ANKRD44: variants seen among roughly 807,000 people sequenced by gnomAD.
ANKRD44 encodes the protein serine/threonine-protein phosphatase 6 regulatory ankyrin repeat subunit B.
A neutral mutation model predicts 116.0 loss-of-function variants in ANKRD44; 35 were observed. The ratio of observed to expected loss-of-function variants is 0.30; its 90% CI spans 0.23 to 0.40. ANKRD44 has a LOEUF of 0.40. Ranked by LOEUF, ANKRD44 falls within the 10% of genes least tolerant of loss-of-function variation. The pLI is 1.00. For synonymous variants in ANKRD44, 435 were observed against 461.8 expected (o/e 0.94, Z 0.74); for missense variants, 1,014 against 1,242.6 (o/e 0.82, Z 2.77).
chr2:196,986,703 A>G lies in ANKRD44; in HGVS notation c.*2888T>C, dbSNP rs1319039589. 4 of 975,238 alleles carry G rather than the reference A, an allele frequency of 4.1e-6. No homozygotes were observed. The highest frequency in any genetic ancestry group is 5.2e-4 in the Middle Eastern group (1 of 1,914). 60.4% of individuals were successfully genotyped at this position (975,238 alleles called of 1,614,324 possible). A position where few individuals can be genotyped will look rare whatever the true frequency, so the allele number is the denominator to read the frequency against. On this transcript the variant is annotated 3_prime_UTR_variant, in exon 28 of 28. Transcript: ENST00000282272. ...ACCGTTTTTATTTGTAAAAATAACC[A>G]TCTGAATGCATTTCCATAGTATATT...
chr2:197,237,449 A>G (rs1282168697), intron 1 of ANKRD44, among the ~76,000 whole-genome samples: 1 of 152,218 alleles, frequency 6.6e-6, no homozygotes, highest in Non-Finnish European at 1.5e-5. Flanking sequence ...TTTAAGCTAC[A>G]CTGCTGAACT....
At chr2:197,004,744 A>G (rs2076173023) in intron 21 of ANKRD44, among the ~76,000 whole-genome samples, 1 of 152,096 alleles carries the variant, frequency 6.6e-6, no homozygotes, top group South Asian at 2.1e-4. Flanking sequence ...AAACCCCCTT[A>G]CTCAATAATT....
chr2:197,186,235 G>A (rs557736567), intron 2 of ANKRD44, among the ~76,000 whole-genome samples: 10 of 152,210 alleles, frequency 6.6e-5, no homozygotes, highest in Non-Finnish European at 1.2e-4. Context: ...AAAAAAAATT[G>A]CACCTCTATT....
intron 21 of ANKRD44, among the ~76,000 whole-genome samples, chr2:196,979,554 C>CCTTTTTTT (rs2075785197): frequency 3.4e-5 from 2 of 59,634 alleles, no homozygotes; most frequent in African/African-American, 1.3e-4. Context: ...AATAAGATGA[C>CCTTTTTTT]TTTTTTTTTT....
At chr2:197,052,481 A>G (rs2077127106) in intron 16 of ANKRD44, among the ~76,000 whole-genome samples, 1 of 152,134 alleles carries the variant, frequency 6.6e-6, no homozygotes, top group South Asian at 2.1e-4. Context: ...GGCTCAGAGG[A>G]AAGAGTGTTA....
chr2:197,210,490 C>T (rs753016925), intron 1 of ANKRD44, among the ~76,000 whole-genome samples: 6 of 152,190 alleles, frequency 3.9e-5, no homozygotes, highest in Non-Finnish European at 7.4e-5. Flanking sequence ...TGTTCTGTTC[C>T]CATTACACTG....
intron 1 of ANKRD44, among the ~76,000 whole-genome samples, chr2:197,288,781 G>A (rs2083478528): frequency 6.6e-6 from 1 of 152,106 alleles, no homozygotes; most frequent in Non-Finnish European, 1.5e-5. Context: ...ATAATGTTAA[G>A]TAAAATAAGC....
At chr2:197,132,846 G>A (rs191184675) in intron 4 of ANKRD44, among the ~76,000 whole-genome samples, 19 of 152,012 alleles carry the variant, frequency 1.2e-4, no homozygotes, top group African/African-American at 3.4e-4. Flanking sequence ...GAAATACAAC[G>A]GCAAGCAATA....
chr2:197,251,846 A>G (rs2082325178), intron 1 of ANKRD44, among the ~76,000 whole-genome samples: 1 of 152,242 alleles, frequency 6.6e-6, no homozygotes. Context: ...TGAGGCATAA[A>G]TGTCAATCTT....
intron 21 of ANKRD44, among the ~76,000 whole-genome samples, chr2:196,976,830 T>G (rs1350553086): frequency 6.6e-6 from 1 of 150,400 alleles, no homozygotes; most frequent in Non-Finnish European, 1.5e-5. Flanking sequence ...ATCATGCCAC[T>G]GCACTCCAGC....
Position 196,987,930 on chromosome 2 carries a change from T to C in ANKRD44, c.*1661A>G, listed in dbSNP as rs1398024958. The C allele has an allele frequency of 7.1e-6, 7 of 984,048 alleles. No homozygotes were observed. Among genetic ancestry groups the C allele is most frequent in the Non-Finnish European group, 8.4e-6 (7 of 828,802 alleles). The allele number at this position is 984,048 out of a possible 1,614,324, so 61.0% of individuals were successfully genotyped here. On this transcript the variant is annotated 3_prime_UTR_variant, in exon 28 of 28. Coordinates refer to ENST00000282272, the MANE Select transcript of ANKRD44 (RefSeq NM_001195144.2). ...CAGAAATGATAGTTTTTAAAGTCAT[T>C]TCTTTAAAAAAATTTTGCCTTGGGG... is the stretch of plus-strand genomic sequence containing the variant.
intron 1 of ANKRD44, among the ~76,000 whole-genome samples, chr2:197,234,483 C>T (rs762755077): frequency 9.2e-5 from 14 of 152,322 alleles, no homozygotes; most frequent in African/African-American, 1.4e-4. Flanking sequence ...TGAGCCACCA[C>T]GCCCAGCCCA....
At chr2:197,301,430 C>T (rs754925151) in intron 1 of ANKRD44, 4 of 152,196 alleles carry the variant, frequency 2.6e-5, no homozygotes, top group Non-Finnish European at 5.9e-5. Context: ...AGAAATGGAA[C>T]TGAGAATTAC....
intron 2 of ANKRD44, among the ~76,000 whole-genome samples, chr2:197,162,565 C>A (rs1156747669): frequency 6.6e-6 from 1 of 152,144 alleles, no homozygotes; most frequent in African/African-American, 2.4e-5. Flanking sequence ...GACATAAGGA[C>A]AATGTTTTAT....
At position 197,120,870 on chromosome 2, in the gene ANKRD44, C is replaced by T. The variant is rs115408060; in HGVS notation, c.906+462G>A. Among the ~76,000 whole-genome samples, 1,016 of 152,074 alleles carry T rather than the reference C, an allele frequency of 6.7e-3. 9 individuals carry two copies. Among genetic ancestry groups the T allele is most frequent in the African/African-American group, 0.022 (930 of 41,458 alleles). The stretch of plus-strand genomic sequence containing the variant: ...CATTCACTAAGCTAACAAGAACACA[C>T]GGCTGGAGCCTTGGTACCTTTCAGC... On this transcript the variant is annotated intron_variant, in intron 8 of 27. Coordinates refer to ENST00000282272, the MANE Select transcript of ANKRD44 (RefSeq NM_001195144.2).
Position 197,121,461 on chromosome 2 carries a change from A to G in ANKRD44, c.777T>C (p.Ile259=), listed in dbSNP as rs1247047056. The stretch of plus-strand genomic sequence containing the variant: ...GCTGGTTCACGTTAGCACCGTAGTC[A>G]ATCAACTCGTTAACCACAGCATCCT... ...NGQDAVVNEL[I]DYGANVNQPN... Residue 259 remains isoleucine, a synonymous_variant, in exon 8 of 28, where the codon ATT becomes ATC. Coordinates refer to ENST00000282272, the MANE Select transcript of ANKRD44 (RefSeq NM_001195144.2). The G allele has an allele frequency of 1.9e-6, 3 of 1,614,224 alleles. No individual in the cohort carries two copies. Among genetic ancestry groups the G allele is most frequent in the Non-Finnish European group, 2.5e-6 (3 of 1,180,044 alleles).
chr2:197,147,031 C>A lies in ANKRD44; in HGVS notation c.186G>T (p.Leu62Phe). 1 of 1,613,390 alleles carries A rather than the reference C, an allele frequency of 6.2e-7. No homozygotes were observed. Among genetic ancestry groups the A allele is most frequent in the Non-Finnish European group, 8.5e-7 (1 of 1,179,468 alleles). The change falls in exon 3 of 28, where the codon TTG becomes TTT. Residue 62 changes from leucine to phenylalanine, a missense_variant. By Grantham distance (22) the Leu-to-Phe change is conservative (BLOSUM62 0). Transcript: ENST00000282272. ...GDAEIIELLI[L>F]SGARVNAKDN... Reference sequence around the variant, plus strand: ...TTGAGTATAGCAGTTATTTACCTGACAAAATCAGGAGTTCAATGATCTCTG... The same window carrying A: ...TTGAGTATAGCAGTTATTTACCTGAAAAAATCAGGAGTTCAATGATCTCTG...
rs534386712 is a variant in ANKRD44, at chr2:197,270,223, G to C, written c.27+40355C>G. Among the ~76,000 whole-genome samples the C allele has an allele frequency of 3.3e-5, 5 of 152,262 alleles. No homozygotes were observed. In the South Asian group the frequency reaches 1.0e-3, roughly 32 times the overall value. ...GGACAGGGGTGGGAGGTGAGGATGA[G>C]AGTGCAGGTAAAGATCAGAGTTAAG... On this transcript the variant is annotated intron_variant, in intron 1 of 27. Transcript: ENST00000282272.
chr2:197,310,528 G>A, intron 1 of ANKRD44, 50 bp downstream of exon 1: 1 of 1,030,078 alleles, frequency 9.7e-7, no homozygotes. Flanking sequence ...GCCGGGCTCC[G>A]CGCCGCCCCG....
Sources: gnomAD v4.1 joint callset for allele counts (sites outside exome capture counted in the v4.1 genomes callset) on GRCh38, gnomAD v4.1.1 for gene constraint, MANE v1.5 for transcripts, NCBI Gene and HGNC (gene_info 2026-07-23, HGNC 2026-07-21) for gene names.